PTPN18: variants seen among roughly 807,000 people sequenced by gnomAD.
PTPN18 encodes tyrosine-protein phosphatase non-receptor type 18.
In PTPN18, 65 loss-of-function variants were observed where a neutral mutation model predicts 65.4. That is an observed-to-expected ratio of 0.99 (90% CI 0.81 to 1.22). The LOEUF is 1.22. Among genes scored for constraint, PTPN18 ranks in the 50% most tolerant of loss-of-function variants. PTPN18 has a pLI of 0.00. For missense variants in PTPN18, 616 were observed against 646.5 expected, an observed-to-expected ratio of 0.95 and a Z score of 0.51; for synonymous variants, 255 against 267.8, an observed-to-expected ratio of 0.95 and a Z score of 0.47.
At chr2:130,369,265 G>T (rs1680477682) in intron 6 of PTPN18, 64 bp downstream of exon 6, 2 of 1,471,534 alleles carry the variant, frequency 1.4e-6, no homozygotes, top group South Asian at 1.2e-5. Context: ...GGGCCTAAAA[G>T]GTTGAATGAT....
At position 130,370,571 on chromosome 2, in the gene PTPN18, G is replaced by T; in HGVS notation, c.704G>T (p.Arg235Leu). The change falls in exon 9 of 15, where the codon CGA becomes CTA. Residue 235 changes from arginine (R) to leucine (L), a missense_variant. Transcript: ENST00000175756. ...TCTCTTGTCAGTGCGGGTTGTGGGCGAACAGGCGTCCTGTGCACCGTGGAT... is the reference window on the plus strand; with the variant it reads ...TCTCTTGTCAGTGCGGGTTGTGGGCTAACAGGCGTCCTGTGCACCGTGGAT... ...LCVHCSAGCG[R>L]TGVLCTVDYV... 1 of 1,614,120 alleles carries T rather than the reference G, an allele frequency of 6.2e-7. No individual in the cohort carries two copies. Among genetic ancestry groups the T allele is most frequent in the Non-Finnish European group, 8.5e-7 (1 of 1,180,020 alleles).
intron 5 of PTPN18, among the ~76,000 whole-genome samples, chr2:130,368,016 A>G (rs1267898025): frequency 6.6e-6 from 1 of 151,796 alleles, no homozygotes; most frequent in Non-Finnish European, 1.5e-5. Context: ...TCTAGTGTCT[A>G]CCCTGCTATT....
intron 5 of PTPN18, chr2:130,362,049 C>T (rs1680233389): frequency 6.7e-6 from 3 of 449,414 alleles, no homozygotes; most frequent in African/African-American, 2.1e-5. Flanking sequence ...TTCACTGTAA[C>T]CTCAAAATCC....
chr2:130,356,185 C>T lies in PTPN18; in HGVS notation c.78C>T (p.Leu26=), dbSNP rs896869237. ...EARGGREGAV[L]AGEFSDIQAC... is the part of the protein sequence containing the mutation. ...GGGGCGGCCGGGAGGGGGCAGTCCT[C>T]GCCGGCGAGTTCAGCGTGAGTGGCA... Residue 26 remains leucine, a synonymous_variant, in exon 1 of 15, where the codon CTC becomes CTT. Transcript: ENST00000175756. The T allele has an allele frequency of 1.1e-5, 15 of 1,315,922 alleles. No individual in the cohort carries two copies. The highest frequency in any genetic ancestry group is 1.5e-5 in the African/African-American group (1 of 64,648). 81.5% of individuals were successfully genotyped at this position (1,315,922 alleles called of 1,614,324 possible).
intron 5 of PTPN18, among the ~76,000 whole-genome samples, chr2:130,367,057 T>TAA (rs1558845019): frequency 8.5e-6 from 1 of 117,832 alleles, no homozygotes; most frequent in Non-Finnish European, 1.8e-5. Flanking sequence ...TTAATTTTTT[T>TAA]TTTTTTTTTT....
intron 6 of PTPN18, among the ~76,000 whole-genome samples, chr2:130,369,480 A>ATACAGTTAGTACTTAATTAAG (rs1410268749): frequency 6.6e-6 from 1 of 152,232 alleles, no homozygotes; most frequent in East Asian, 1.9e-4. Context: ...CAAGTCATAC[A>ATACAGTTAGTACTTAATTAAG]TACAGTTAGT....
intron 7 of PTPN18, 34 bp downstream of exon 7, chr2:130,369,861 TC>T: frequency 6.4e-7 from 1 of 1,560,112 alleles, no homozygotes; most frequent in Non-Finnish European, 8.8e-7. Flanking sequence ...GTAAAGGGGC[TC>T]CTGAAAGGGG....
At chr2:130,362,394 G>T in intron 5 of PTPN18, 2 of 253,104 alleles carry the variant, frequency 7.9e-6, no homozygotes, top group East Asian at 1.5e-4. Context: ...TATTTGCTCT[G>T]TTTGTTCTTT....
chr2:130,360,390 T>C, intron 5 of PTPN18, among the ~76,000 whole-genome samples: 1 of 152,242 alleles, frequency 6.6e-6, no homozygotes, highest in East Asian at 1.9e-4. Flanking sequence ...ATGTGGTTTC[T>C]ACATTCTTGC....
rs1680603519 is a variant in PTPN18 at position 130,372,490 on chromosome 2, C to A, written c.1240+7C>A. On this transcript the variant is annotated splice_region_variant and intron_variant, in intron 13 of 14. Coordinates refer to ENST00000175756, the MANE Select transcript of PTPN18 (RefSeq NM_014369.4). ...GGGACGCTGCCTGGCCGCGGTGAGT[C>A]GAGGCTTGCTCCTTCTCAGGGCATC... 2.7e-5 allele frequency: 37 copies of A among 1,383,840 alleles called. No homozygotes were observed. Among genetic ancestry groups the A allele is most frequent in the Non-Finnish European group, 3.3e-5 (35 of 1,076,696 alleles). The allele number at this position is 1,383,840 out of a possible 1,614,324, so 85.7% of individuals were successfully genotyped here.
At chr2:130,372,186 T>C in intron 12 of PTPN18, 71 bp from the exon 13 acceptor site, 1 of 1,425,402 alleles carries the variant, frequency 7.0e-7, no homozygotes, top group Non-Finnish European at 9.4e-7. Flanking sequence ...GTTTGCGCGC[T>C]GAGCAGCCTC....
intron 6 of PTPN18, among the ~76,000 whole-genome samples, chr2:130,369,558 G>C (rs575815925): frequency 9.4e-6 from 1 of 106,350 alleles, no homozygotes; most frequent in South Asian, 2.9e-4. Context: ...AAAAGGGCTT[G>C]TGTTTTTATA....
At position 130,373,826 on chromosome 2, in the gene PTPN18, G is replaced by T; in HGVS notation, c.*602G>T. The T allele has an allele frequency of 6.5e-6, 1 of 154,246 alleles. No individual in the cohort carries two copies. The highest frequency in any genetic ancestry group is 1.4e-5 in the Non-Finnish European group (1 of 69,638). The allele number at this position is 154,246 out of a possible 1,614,324, so 9.6% of individuals were successfully genotyped here. On this transcript the variant is annotated 3_prime_UTR_variant, in exon 15 of 15. Transcript: ENST00000175756. The surrounding 1 kb of genome is among the most constrained non-coding windows in gnomAD (Gnocchi z 4.1). The stretch of plus-strand genomic sequence containing the variant: ...GACCAGCCAACAGCTTGATAGACCA[G>T]TGCAGCCAGAGAGACCACCAAACAG...
In PTPN18 at chr2:130,372,961, A is replaced by G. The variant is rs754805779; in HGVS notation, c.1315+14A>G. The G allele has an allele frequency of 6.2e-7, 1 of 1,614,018 alleles. No homozygotes were observed. Among genetic ancestry groups the G allele is most frequent in the Middle Eastern group, 1.6e-4 (1 of 6,062 alleles). ...CCGGTGGGCTAGGTAAGTCAGGTAGAGCCTGGGTTGCTGGGACTTTGCTGC... is the reference window on the plus strand; with the variant it reads ...CCGGTGGGCTAGGTAAGTCAGGTAGGGCCTGGGTTGCTGGGACTTTGCTGC... On this transcript the variant is annotated intron_variant, in intron 14 of 14. Coordinates refer to ENST00000175756, the MANE Select transcript of PTPN18 (RefSeq NM_014369.4).
At position 130,358,955 on chromosome 2, in the gene PTPN18, G is replaced by A. The variant is rs1320077308; in HGVS notation, c.182G>A (p.Arg61His). 21 of 1,614,148 alleles carry A rather than the reference G, an allele frequency of 1.3e-5. 1 individual carries two copies. The highest frequency in any genetic ancestry group is 3.3e-5 in the South Asian group (3 of 91,082). ...GSRPENVRKN[R>H]YKDVLPYDQT... ...CGGCCAGAGAACGTGAGGAAGAACC[G>A]CTACAAAGACGTGCTGCCTTGTAAG... is the stretch of plus-strand genomic sequence containing the variant. Residue 61 changes from arginine to histidine, a missense_variant, in exon 2 of 15, where the codon CGC becomes CAC. Arg to His is a conservative substitution (Grantham distance 29). Around this residue, in one of 3 missense-constraint regions of PTPN18, gnomAD observed 223 missense variants for 210.0 expected, o/e 1.06. Transcript: ENST00000175756.
In PTPN18 at chr2:130,364,471, C is replaced by A. The variant is rs555147616; in HGVS notation, c.415-4662C>A. 7.9e-5 allele frequency among the ~76,000 whole-genome samples: 12 copies of A among 152,224 alleles called. No homozygotes were observed. In the South Asian group the frequency reaches 2.5e-3, roughly 32 times the overall value. The stretch of plus-strand genomic sequence containing the variant: ...TGTTGGACATCTGGGTTGTTTGTAC[C>A]TTTTGACTATTGTAAATAAGGCGGC... On this transcript the variant is annotated intron_variant, in intron 5 of 14. Coordinates refer to ENST00000175756, the MANE Select transcript of PTPN18 (RefSeq NM_014369.4).
At chr2:130,362,681 ACTG>A (rs1264193976) in intron 5 of PTPN18, among the ~76,000 whole-genome samples, 1 of 152,168 alleles carries the variant, frequency 6.6e-6, no homozygotes, top group African/African-American at 2.4e-5. Context: ...TCCACAGTAC[ACTG>A]CTATTATAGT....
intron 5 of PTPN18, chr2:130,362,359 A>T: frequency 7.4e-6 from 2 of 269,570 alleles, no homozygotes; most frequent in Non-Finnish European, 7.4e-6. Context: ...TTGGGTTTAA[A>T]CCTACCATCT....
chr2:130,369,728 C>T, intron 6 of PTPN18, 37 bp from the exon 7 acceptor site: 1 of 1,523,024 alleles, frequency 6.6e-7, no homozygotes, highest in Non-Finnish European at 9.1e-7. Flanking sequence ...TCTTTGTTCT[C>T]CTCCCTCTTC....
Sources: gnomAD v4.1 joint callset for allele counts (sites outside exome capture counted in the v4.1 genomes callset) on GRCh38, gnomAD v4.1.1 for gene constraint, gnomAD v4.1.1 regional missense constraint, Gnocchi (gnomAD v3.1) non-coding constraint, MANE v1.5 for transcripts, NCBI Gene and HGNC (gene_info 2026-07-23, HGNC 2026-07-21) for gene names.